PJA2: variants seen among roughly 807,000 people sequenced by gnomAD.
The protein encoded by PJA2 is E3 ubiquitin-protein ligase Praja-2.
A neutral mutation model predicts 69.3 loss-of-function variants in PJA2; 25 were observed. The ratio of observed to expected loss-of-function variants is 0.36; its 90% confidence interval spans 0.26 to 0.50. The LOEUF (loss-of-function observed/expected upper bound fraction) is 0.50, where lower values mean the gene tolerates loss of function less well. PJA2 is among the 20% of genes least tolerant of loss of function. The pLI, the probability that PJA2 is intolerant of heterozygous loss-of-function variation, is 0.96. For synonymous variants in PJA2, 308 were observed against 277.8 expected (o/e 1.11, Z -1.08); for missense variants, 809 against 830.2 (o/e 0.97, Z 0.31).
At chr5:109,384,599 TTA>T (rs982881116) in intron 1 of PJA2, among the ~76,000 whole-genome samples, 28 of 152,278 alleles carry the variant, frequency 1.8e-4, no homozygotes, top group African/African-American at 5.3e-4. Context: ...TGAGTTTAAT[TTA>T]TATGTTACCT....
At chr5:109,401,845 T>C (rs1322817536) in intron 1 of PJA2, among the ~76,000 whole-genome samples, 1 of 152,184 alleles carries the variant, frequency 6.6e-6, no homozygotes, top group Non-Finnish European at 1.5e-5. Context: ...CAAATTTAAA[T>C]AGCTACACTG....
intron 4 of PJA2, among the ~76,000 whole-genome samples, chr5:109,377,843 T>A (rs958045735): frequency 2.6e-5 from 4 of 152,220 alleles, no homozygotes; most frequent in Non-Finnish European, 5.9e-5. Context: ...CAATAATTTG[T>A]GATATTAATC....
chr5:109,380,237 G>A (rs1043205758), intron 3 of PJA2, among the ~76,000 whole-genome samples: 1 of 151,532 alleles, frequency 6.6e-6, no homozygotes, highest in Non-Finnish European at 1.5e-5. Context: ...GGGAACGAAG[G>A]GTTCTTCAAT....
chr5:109,364,580 G>A (rs1194768998), intron 5 of PJA2, among the ~76,000 whole-genome samples: 2 of 136,360 alleles, frequency 1.5e-5, no homozygotes, highest in African/African-American at 2.7e-5. Flanking sequence ...CCGAGATCCC[G>A]CCACTGCACT....
chr5:109,342,990 C>A (rs1307086232), intron 9 of PJA2, among the ~76,000 whole-genome samples: 2 of 96,954 alleles, frequency 2.1e-5, no homozygotes, highest in Non-Finnish European at 4.3e-5. Flanking sequence ...CCGGCCACCA[C>A]CCCGTCTGGG....
chr5:109,402,429 T>A (rs1747575732), intron 1 of PJA2, among the ~76,000 whole-genome samples: 2 of 152,124 alleles, frequency 1.3e-5, no homozygotes, highest in South Asian at 4.1e-4. Context: ...AGGAATACTA[T>A]CAGAGATAAA....
intron 1 of PJA2, among the ~76,000 whole-genome samples, chr5:109,408,668 C>T (rs1561369799): frequency 6.6e-6 from 1 of 152,298 alleles, no homozygotes; most frequent in East Asian, 1.9e-4. Context: ...TTAAATTTTA[C>T]CTAACAGTCC....
At chr5:109,343,368 A>C (rs1175977845) in intron 9 of PJA2, among the ~76,000 whole-genome samples, 1 of 149,718 alleles carries the variant, frequency 6.7e-6, no homozygotes, top group Non-Finnish European at 1.5e-5. Context: ...AAAAAAAAAA[A>C]AAAAAAGATT....
At chr5:109,374,407 C>T (rs187707353) in intron 4 of PJA2, among the ~76,000 whole-genome samples, 1 of 152,318 alleles carries the variant, frequency 6.6e-6, no homozygotes, top group Admixed American at 6.5e-5. Context: ...ACCAAGTTCT[C>T]AGACAAACTC....
intron 1 of PJA2, among the ~76,000 whole-genome samples, chr5:109,388,156 C>G (rs1747200908): frequency 6.6e-6 from 1 of 152,180 alleles, no homozygotes; most frequent in Admixed American, 6.5e-5. Flanking sequence ...TCTCTGCTCA[C>G]TCTTTCTGGA....
chr5:109,344,932 C>G lies in PJA2; in HGVS notation c.1765-113G>C, dbSNP rs1057254749. 27 of 657,446 alleles carry G rather than the reference C, an allele frequency of 4.1e-5. No homozygotes were observed. The Admixed American group carries it at 7.3e-4, about 18-fold the overall frequency. 40.7% of individuals were successfully genotyped at this position (657,446 alleles called of 1,614,324 possible). A position where few individuals can be genotyped will look rare whatever the true frequency, so the allele number is the denominator to read the frequency against. ...ACCATTATTCTCTTTTTGTTAGTTT[C>G]TTTTGCTTTAGTCCTTTGCTCCTTT... On this transcript the variant is annotated intron_variant, in intron 7 of 9. Coordinates refer to ENST00000361189, the MANE Select transcript of PJA2 (RefSeq NM_014819.5).
chr5:109,387,957 A>C (rs564100230), intron 1 of PJA2, among the ~76,000 whole-genome samples: 41 of 152,368 alleles, frequency 2.7e-4, no homozygotes, highest in Non-Finnish European at 5.7e-4. Context: ...AAATGTGGTC[A>C]CATAATGGAA....
chr5:109,390,415 G>A (rs1747256196), intron 1 of PJA2, among the ~76,000 whole-genome samples: 1 of 151,020 alleles, frequency 6.6e-6, no homozygotes, highest in Non-Finnish European at 1.5e-5. Flanking sequence ...GCTTTCTTTT[G>A]GTATTTGCAA....
At chr5:109,403,867 C>A (rs1282217950) in intron 1 of PJA2, among the ~76,000 whole-genome samples, 1 of 151,456 alleles carries the variant, frequency 6.6e-6, no homozygotes, top group Non-Finnish European at 1.5e-5. Flanking sequence ...GTGAGGAGTT[C>A]AAGACCAGCC....
chr5:109,382,110 T>C (rs1014127978), intron 2 of PJA2, among the ~76,000 whole-genome samples: 13 of 152,136 alleles, frequency 8.5e-5, no homozygotes, highest in African/African-American at 2.2e-4. Flanking sequence ...AATCAATTAC[T>C]AGCATTATGA....
intron 9 of PJA2, among the ~76,000 whole-genome samples, chr5:109,340,651 TCCCCCTCCCCCTCCCC>T (rs1561338744): frequency 0.045 from 28 of 616 alleles, 8 homozygotes; most frequent in African/African-American, 0.096. Flanking sequence ...CCCCTCCCCC[TCCCCCTCCCCCTCCCC>T]CTCCCTCTCC....
In PJA2 at chr5:109,393,371, T is replaced by A. The variant is rs943390485; in HGVS notation, c.-87-9851A>T. ...GCAACTGGATGTTAGGCAATTTTCATATTACAGCTGTAAATATACATCTCT... is the reference window on the plus strand; with the variant it reads ...GCAACTGGATGTTAGGCAATTTTCAAATTACAGCTGTAAATATACATCTCT... On this transcript the variant is annotated intron_variant, in intron 1 of 9. Coordinates refer to ENST00000361189, the MANE Select transcript of PJA2 (RefSeq NM_014819.5). Among the ~76,000 whole-genome samples the A allele has an allele frequency of 2.0e-5, 3 of 152,260 alleles. No individual in the cohort carries two copies. In the South Asian group the frequency reaches 6.2e-4, roughly 31 times the overall value.
At chr5:109,358,570 G>C (rs1762456631) in intron 6 of PJA2, among the ~76,000 whole-genome samples, 2 of 152,198 alleles carry the variant, frequency 1.3e-5, no homozygotes, top group African/African-American at 4.8e-5. Flanking sequence ...GCAAATCCCA[G>C]CACTTTGGGA....
chr5:109,365,432 G>A (rs1317578993), intron 5 of PJA2, among the ~76,000 whole-genome samples: 3 of 152,078 alleles, frequency 2.0e-5, no homozygotes, highest in Admixed American at 6.5e-5. Context: ...ATGTGCTACC[G>A]GTTGCATAAA....
Sources: gnomAD v4.1 joint callset for allele counts (sites outside exome capture counted in the v4.1 genomes callset) on GRCh38, gnomAD v4.1.1 for gene constraint, MANE v1.5 for transcripts, NCBI Gene and HGNC (gene_info 2026-07-23, HGNC 2026-07-21) for gene names.